Variants in TNFSF4 observed in about 807,000 individuals in gnomAD.
The protein encoded by TNFSF4 is tumor necrosis factor ligand superfamily member 4.
In TNFSF4, 4 loss-of-function variants were observed where a neutral mutation model predicts 7.3. The ratio of observed to expected loss-of-function variants is 0.55; its 90% CI spans 0.27 to 1.25. The LOEUF (loss-of-function observed/expected upper bound fraction) is 1.25. Ranked by LOEUF, TNFSF4 falls within the 50% of genes most tolerant of loss-of-function variation. The probability of loss-of-function intolerance (pLI) is 0.12; values close to 1 mark genes in which losing one functional copy is unlikely to be tolerated. For synonymous variants in TNFSF4, 76 were observed against 83.7 expected, an observed-to-expected ratio of 0.91 and a Z score of 0.50; for missense variants, 181 against 208.8, an observed-to-expected ratio of 0.87 and a Z score of 0.82.
chr1:173,306,204 T>C, the TNFSF4 span, among the ~76,000 whole-genome samples: 1 of 151,900 alleles, frequency 6.6e-6, no homozygotes, highest in Non-Finnish European at 1.5e-5. Context: ...GAAGACTCGA[T>C]GAAATTTAGT....
chr1:173,231,197 T>G, the TNFSF4 span, among the ~76,000 whole-genome samples: 4 of 152,212 alleles, frequency 2.6e-5, no homozygotes, highest in Non-Finnish European at 5.9e-5. Flanking sequence ...AAATCCTCAG[T>G]AAATTACTGG....
At chr1:173,355,885 G>A in the TNFSF4 span, among the ~76,000 whole-genome samples, 5 of 152,186 alleles carry the variant, frequency 3.3e-5, no homozygotes, top group African/African-American at 1.2e-4. Context: ...GAACTCACAT[G>A]TGTGAAGTAG....
the TNFSF4 span, among the ~76,000 whole-genome samples, chr1:173,276,807 T>C: frequency 6.6e-6 from 1 of 152,174 alleles, no homozygotes; most frequent in Non-Finnish European, 1.5e-5. Context: ...GTGTCTGTCC[T>C]CTTCAACCCA....
At chr1:173,398,243 T>C in the TNFSF4 span, among the ~76,000 whole-genome samples, 1 of 152,128 alleles carries the variant, frequency 6.6e-6, no homozygotes, top group South Asian at 2.1e-4. Context: ...ATTACACTGA[T>C]GACATTCTCT....
chr1:173,230,116 T>A, the TNFSF4 span, among the ~76,000 whole-genome samples: 1 of 152,068 alleles, frequency 6.6e-6, no homozygotes, highest in Non-Finnish European at 1.5e-5. Context: ...CCACCCCAAA[T>A]CAACAGAATG....
the TNFSF4 span, among the ~76,000 whole-genome samples, chr1:173,423,054 C>A: frequency 6.6e-6 from 1 of 150,612 alleles, no homozygotes; most frequent in Non-Finnish European, 1.5e-5. Flanking sequence ...CTGCAACCTC[C>A]GCCTCCCAGG....
At chr1:173,236,506 T>G in the TNFSF4 span, among the ~76,000 whole-genome samples, 3 of 152,118 alleles carry the variant, frequency 2.0e-5, no homozygotes, top group African/African-American at 2.4e-5. Context: ...AGAAATGTTT[T>G]GCATGTATAC....
chr1:173,387,765 A>G, the TNFSF4 span, among the ~76,000 whole-genome samples: 1 of 152,220 alleles, frequency 6.6e-6, no homozygotes, highest in East Asian at 1.9e-4. Flanking sequence ...TATGGTAAAA[A>G]AAATTGTTCA....
the TNFSF4 span, among the ~76,000 whole-genome samples, chr1:173,309,859 T>C: frequency 6.6e-6 from 1 of 151,916 alleles, no homozygotes; most frequent in African/African-American, 2.4e-5. Flanking sequence ...TTCCTAGTGG[T>C]TACAGAATTA....
chr1:173,174,333 G>C, the TNFSF4 span: 1 of 152,106 alleles, frequency 6.6e-6, no homozygotes, highest in African/African-American at 2.4e-5. Flanking sequence ...CCTCCAAACT[G>C]TTCCAACCTC....
chr1:173,244,187 C>A, the TNFSF4 span, among the ~76,000 whole-genome samples: 1 of 152,096 alleles, frequency 6.6e-6, no homozygotes, highest in Non-Finnish European at 1.5e-5. Context: ...AATCAAATAA[C>A]AACATTCCAA....
intron 1 of TNFSF4, among the ~76,000 whole-genome samples, chr1:173,194,880 CAAAA>C (rs11406483): frequency 1.3e-5 from 1 of 74,334 alleles, no homozygotes; most frequent in Non-Finnish European, 2.7e-5. Context: ...GAACTTGTCT[CAAAA>C]AAAAAAAAAA....
the TNFSF4 span, among the ~76,000 whole-genome samples, chr1:173,288,966 C>A: frequency 6.6e-6 from 1 of 151,726 alleles, no homozygotes; most frequent in African/African-American, 2.4e-5. Flanking sequence ...ACTAAGAGAC[C>A]CCTATGCCTA....
the TNFSF4 span, among the ~76,000 whole-genome samples, chr1:173,238,587 G>A: frequency 6.6e-6 from 1 of 151,910 alleles, no homozygotes; most frequent in Admixed American, 6.6e-5. Flanking sequence ...TTTAAAAAGT[G>A]GGCAAAGGAC....
At chr1:173,369,360 T>C in the TNFSF4 span, among the ~76,000 whole-genome samples, 1 of 152,188 alleles carries the variant, frequency 6.6e-6, no homozygotes, top group African/African-American at 2.4e-5. Context: ...TTGGTCCTCT[T>C]TGTGGTCTAA....
the TNFSF4 span, among the ~76,000 whole-genome samples, chr1:173,273,290 G>C: frequency 1.3e-5 from 2 of 152,026 alleles, no homozygotes; most frequent in Non-Finnish European, 2.9e-5. Flanking sequence ...GTTTGTTCTT[G>C]CTTCAATTTT....
chr1:173,219,117 T>C, the TNFSF4 span, among the ~76,000 whole-genome samples: 2 of 152,184 alleles, frequency 1.3e-5, no homozygotes. Flanking sequence ...GACACCTACT[T>C]TGTTTTAAGG....
the TNFSF4 span, among the ~76,000 whole-genome samples, chr1:173,296,774 A>G: frequency 3.3e-5 from 5 of 152,078 alleles, no homozygotes; most frequent in East Asian, 5.8e-4. Context: ...GCCATCGCCA[A>G]TCATGCTTCC....
At chr1:173,431,540 C>T in the TNFSF4 span, among the ~76,000 whole-genome samples, 2 of 152,250 alleles carry the variant, frequency 1.3e-5, no homozygotes, top group African/African-American at 4.8e-5. Context: ...AATTCATCTG[C>T]CTTCAGTGAA....
Sources: allele counts gnomAD v4.1 joint callset (sites outside exome capture counted in the v4.1 genomes callset), GRCh38; gene constraint gnomAD v4.1.1; transcripts MANE v1.5; gene names NCBI Gene and HGNC (gene_info 2026-07-23, HGNC 2026-07-21).